The following RSRC1 variants were observed in gnomAD, a reference collection of about 807,000 sequenced individuals.
RSRC1 encodes the protein arginine and serine rich coiled-coil 1.
Under a neutral mutation model 49.1 loss-of-function variants are expected in RSRC1, and 39 were observed. The observed-to-expected ratio is 0.79, with a 90% CI of 0.61 to 1.04. The LOEUF (loss-of-function observed/expected upper bound fraction) is 1.04. RSRC1 is among the 50% of genes least tolerant of loss of function. The probability of loss-of-function intolerance (pLI) is 0.00; values close to 1 mark genes in which losing one functional copy is unlikely to be tolerated. For missense variants in RSRC1, 388 were observed against 402.4 expected, an observed-to-expected ratio of 0.96 and a Z score of 0.31; for synonymous variants, 143 against 130.8, an observed-to-expected ratio of 1.09 and a Z score of -0.63.
At chr3:158,184,479 T>C (rs1719814729) in intron 3 of RSRC1, among the ~76,000 whole-genome samples, 1 of 152,162 alleles carries the variant, frequency 6.6e-6, no homozygotes, top group African/African-American at 2.4e-5. Context: ...CATTGAGATG[T>C]TTCATGCCTG....
chr3:158,350,770 A>G (rs972591927), intron 5 of RSRC1, among the ~76,000 whole-genome samples: 13 of 152,112 alleles, frequency 8.5e-5, no homozygotes, highest in African/African-American at 2.9e-4. Context: ...CTGTTTATTC[A>G]TTAAGGTATA....
At chr3:158,147,893 T>C (rs9855534) in intron 3 of RSRC1, among the ~76,000 whole-genome samples, 95,989 of 151,918 alleles carry the variant, frequency 0.63, 30,943 homozygotes, top group African/African-American at 0.73. Context: ...TTTTTTAAAC[T>C]CTATATTTTC....
intron 7 of RSRC1, among the ~76,000 whole-genome samples, chr3:158,495,756 C>T (rs1301081347): frequency 6.6e-6 from 1 of 152,168 alleles, no homozygotes; most frequent in African/African-American, 2.4e-5. Flanking sequence ...TTATAAAGTA[C>T]TGTTGAAATA....
At chr3:158,245,790 A>G (rs1255165162) in intron 4 of RSRC1, among the ~76,000 whole-genome samples, 2 of 152,098 alleles carry the variant, frequency 1.3e-5, no homozygotes, top group Admixed American at 6.6e-5. Context: ...GGTCTTTGAA[A>G]TGTAAGAGCA....
chr3:158,298,346 CA>C (rs1727356670), intron 5 of RSRC1, among the ~76,000 whole-genome samples: 1 of 151,812 alleles, frequency 6.6e-6, no homozygotes, highest in African/African-American at 2.4e-5. Context: ...TAATTATAAA[CA>C]AAAATTGTTT....
intron 1 of RSRC1, among the ~76,000 whole-genome samples, chr3:158,118,469 G>GCGCA (rs1715025034): frequency 6.7e-6 from 1 of 149,008 alleles, no homozygotes; most frequent in Non-Finnish European, 1.5e-5. Context: ...GTGTGCGCGT[G>GCGCA]CGCGTGGTTT....
intron 4 of RSRC1, among the ~76,000 whole-genome samples, chr3:158,241,810 A>G (rs1249503414): frequency 6.6e-6 from 1 of 152,034 alleles, no homozygotes; most frequent in Non-Finnish European, 1.5e-5. Context: ...TCTTAAAACC[A>G]TGATTCAAAA....
chr3:158,245,145 T>C (rs1353481187), intron 4 of RSRC1, among the ~76,000 whole-genome samples: 3 of 151,478 alleles, frequency 2.0e-5, no homozygotes, highest in Admixed American at 6.6e-5. Flanking sequence ...TCTGGCTTTT[T>C]GATGTGGGCA....
At chr3:158,198,063 G>A (rs933031800) in intron 3 of RSRC1, among the ~76,000 whole-genome samples, 3 of 152,052 alleles carry the variant, frequency 2.0e-5, no homozygotes, top group East Asian at 3.9e-4. Context: ...TTTCTGTCTC[G>A]TTGATCTATC....
In RSRC1 at chr3:158,401,103, C is replaced by A. The variant is rs201739108; in HGVS notation, c.583+46195C>A. Among the ~76,000 whole-genome samples the A allele has an allele frequency of 3.9e-5, 6 of 152,158 alleles. No homozygotes were observed. The East Asian group carries it at 1.2e-3, about 29-fold the overall frequency. ...TGTAGCCTAGAAACAGTAGGCTATA[C>A]TGTATAGCCTAGATGTGTAGTAGGC... On this transcript the variant is annotated intron_variant, in intron 6 of 9. Coordinates refer to ENST00000611884, the MANE Select transcript of RSRC1 (RefSeq NM_001271838.2).
At chr3:158,197,046 C>G (rs1247609954) in intron 3 of RSRC1, among the ~76,000 whole-genome samples, 2 of 152,116 alleles carry the variant, frequency 1.3e-5, no homozygotes, top group Non-Finnish European at 2.9e-5. Context: ...CCCTCTTTTT[C>G]TATTGATTGG....
intron 7 of RSRC1, among the ~76,000 whole-genome samples, chr3:158,513,721 A>G (rs922844589): frequency 2.0e-5 from 3 of 152,218 alleles, no homozygotes; most frequent in Admixed American, 6.5e-5. Flanking sequence ...CTCTGGTAGA[A>G]TTCATCTGGC....
At chr3:158,296,495 C>A (rs1727247545) in intron 4 of RSRC1, among the ~76,000 whole-genome samples, 1 of 151,900 alleles carries the variant, frequency 6.6e-6, no homozygotes, top group African/African-American at 2.4e-5. Flanking sequence ...TCAGATGTTT[C>A]ACTATATGTT....
At chr3:158,541,868 TA>T (rs1343569680) in intron 8 of RSRC1, among the ~76,000 whole-genome samples, 1 of 152,128 alleles carries the variant, frequency 6.6e-6, no homozygotes, top group African/African-American at 2.4e-5. Flanking sequence ...TACTGAAATG[TA>T]ACTAAGTAAG....
At chr3:158,321,635 G>C (rs796679456) in intron 5 of RSRC1, among the ~76,000 whole-genome samples, 1 of 150,326 alleles carries the variant, frequency 6.7e-6, no homozygotes, top group Admixed American at 6.6e-5. Flanking sequence ...TATTAAGTTG[G>C]TGCAAAAGTA....
chr3:158,441,115 A>G (rs990814631), intron 6 of RSRC1, among the ~76,000 whole-genome samples: 4 of 152,126 alleles, frequency 2.6e-5, no homozygotes, highest in Non-Finnish European at 4.4e-5. Context: ...AGAATAATGT[A>G]TCTGTCTGCT....
At chr3:158,216,090 A>C (rs1300898800) in intron 4 of RSRC1, among the ~76,000 whole-genome samples, 2 of 151,764 alleles carry the variant, frequency 1.3e-5, no homozygotes, top group East Asian at 3.9e-4. Context: ...TCAGTGAGCA[A>C]TGAATTATAA....
intron 6 of RSRC1, among the ~76,000 whole-genome samples, chr3:158,450,296 C>G (rs1736952385): frequency 6.7e-6 from 1 of 148,526 alleles, no homozygotes; most frequent in African/African-American, 2.5e-5. Flanking sequence ...ATTTTTGGAG[C>G]ATTTGCTGAT....
At chr3:158,391,994 C>T (rs1247033291) in intron 6 of RSRC1, among the ~76,000 whole-genome samples, 2 of 151,984 alleles carry the variant, frequency 1.3e-5, no homozygotes, top group Non-Finnish European at 1.5e-5. Context: ...CTATTTTTGC[C>T]AGTCTAAGGA....
Sources: allele counts gnomAD v4.1 joint callset (sites outside exome capture counted in the v4.1 genomes callset), GRCh38; gene constraint gnomAD v4.1.1; transcripts MANE v1.5; gene names NCBI Gene and HGNC (gene_info 2026-07-23, HGNC 2026-07-21).